The following SEMA3E variants were observed in gnomAD, a reference collection of about 807,000 sequenced individuals.
The protein encoded by SEMA3E is semaphorin 3E.
A neutral mutation model predicts 93.6 loss-of-function variants in SEMA3E; 49 were observed. That is an observed-to-expected ratio of 0.52 (90% CI 0.42 to 0.66). The LOEUF (loss-of-function observed/expected upper bound fraction) is 0.66. Ranked by LOEUF, SEMA3E falls within the 30% of genes least tolerant of loss-of-function variation. The pLI is 0.00. For synonymous variants in SEMA3E, 363 were observed against 330.7 expected, an observed-to-expected ratio of 1.10 and a Z score of -1.06; for missense variants, 906 against 964.8, an observed-to-expected ratio of 0.94 and a Z score of 0.81.
rs1353482421 is a variant in SEMA3E at position 83,365,890 on chromosome 7, TA to T, written c.*1695del. On this transcript the variant is annotated 3_prime_UTR_variant, in exon 17 of 17. Transcript: ENST00000643230. ...GCAGGCTTTTACTGAATATAGTTTT[TA>T]AAAATACATTTCACTACATAGTCTT... 2 of 152,154 alleles carry T rather than the reference TA, an allele frequency of 1.3e-5. No individual in the cohort carries two copies. Among genetic ancestry groups the T allele is most frequent in the African/African-American group, 4.8e-5 (2 of 41,466 alleles). The allele number at this position is 152,154 out of a possible 1,614,324, so 9.4% of individuals were successfully genotyped here. A position where few individuals can be genotyped will look rare whatever the true frequency, so the allele number is the denominator to read the frequency against.
chr7:83,458,841 A>T (rs1055882146), intron 4 of SEMA3E, among the ~76,000 whole-genome samples: 2 of 147,726 alleles, frequency 1.4e-5, no homozygotes, highest in East Asian at 2.0e-4. Context: ...AAATATATAT[A>T]TTTTTCTTTT....
chr7:83,508,670 A>G (rs1448704145), intron 1 of SEMA3E, among the ~76,000 whole-genome samples: 1 of 152,204 alleles, frequency 6.6e-6, no homozygotes, highest in Non-Finnish European at 1.5e-5. Flanking sequence ...ATTCAATGAC[A>G]TAGCATAGTA....
chr7:83,520,949 G>A (rs2115685807), intron 1 of SEMA3E, among the ~76,000 whole-genome samples: 1 of 152,300 alleles, frequency 6.6e-6, no homozygotes, highest in African/African-American at 2.4e-5. Flanking sequence ...CACGTATGGG[G>A]CATTAGGTTG....
intron 1 of SEMA3E, among the ~76,000 whole-genome samples, chr7:83,561,910 T>C (rs1418327521): frequency 6.6e-6 from 1 of 151,524 alleles, no homozygotes. Context: ...TTTCAAAGAG[T>C]TTTTGGCCAC....
chr7:83,464,276 C>G (rs552132254), intron 4 of SEMA3E, among the ~76,000 whole-genome samples: 1 of 151,704 alleles, frequency 6.6e-6, no homozygotes, highest in African/African-American at 2.4e-5. Flanking sequence ...GGCCTGTCCT[C>G]GGAATGCTAC....
chr7:83,612,895 G>C (rs1277283378), intron 1 of SEMA3E, among the ~76,000 whole-genome samples: 4 of 151,306 alleles, frequency 2.6e-5, no homozygotes, highest in Non-Finnish European at 5.9e-5. Context: ...CATTAGAAAA[G>C]AGTTTGATAT....
At position 83,464,706 on chromosome 7, in the gene SEMA3E, A is replaced by G. The variant is rs1044655824; in HGVS notation, c.456+1776T>C. Among the ~76,000 whole-genome samples, 12 of 126,932 alleles carry G rather than the reference A, an allele frequency of 9.5e-5. No homozygotes were observed. In the East Asian group the frequency reaches 3.3e-3, roughly 35 times the overall value. The allele number at this position is 126,932 out of a possible 152,430, so 83.3% of individuals were successfully genotyped here. A position where few individuals can be genotyped will look rare whatever the true frequency, so the allele number is the denominator to read the frequency against. ...AACCGTATCCAGGCCATCACCAATCATTCTATACGACAAATGTTTCTTCTA... is the reference window on the plus strand; with the variant it reads ...AACCGTATCCAGGCCATCACCAATCGTTCTATACGACAAATGTTTCTTCTA... On this transcript the variant is annotated intron_variant, in intron 4 of 16. Coordinates refer to ENST00000643230, the MANE Select transcript of SEMA3E (RefSeq NM_012431.3).
At chr7:83,601,225 G>A (rs1369439886) in intron 1 of SEMA3E, among the ~76,000 whole-genome samples, 3 of 152,280 alleles carry the variant, frequency 2.0e-5, no homozygotes, top group Middle Eastern at 3.4e-3. Context: ...AGAACCATCA[G>A]ATAAATTTAT....
chr7:83,574,059 C>A (rs1401826616), intron 1 of SEMA3E, among the ~76,000 whole-genome samples: 1 of 152,030 alleles, frequency 6.6e-6, no homozygotes, highest in South Asian at 2.1e-4. Context: ...AATATTAACA[C>A]TGCAATTTGA....
At chr7:83,576,393 A>G (rs905705486) in intron 1 of SEMA3E, among the ~76,000 whole-genome samples, 1 of 152,170 alleles carries the variant, frequency 6.6e-6, no homozygotes, top group East Asian at 1.9e-4. Context: ...GGGCAGCAAT[A>G]AGCCAAGCGA....
intron 1 of SEMA3E, among the ~76,000 whole-genome samples, chr7:83,605,432 CTT>C (rs984270674): frequency 2.7e-5 from 4 of 147,916 alleles, no homozygotes; most frequent in Non-Finnish European, 1.5e-5. Flanking sequence ...AATGTCCTCT[CTT>C]TTTTTTTTTT....
intron 14 of SEMA3E, 110 bp downstream of exon 14, chr7:83,392,445 C>T (rs1788037051): frequency 1.6e-6 from 2 of 1,220,104 alleles, no homozygotes; most frequent in Non-Finnish European, 2.3e-6. Flanking sequence ...TCTCTGTACA[C>T]AATAATTAAT....
At chr7:83,524,146 T>C (rs1247821338) in intron 1 of SEMA3E, among the ~76,000 whole-genome samples, 1 of 152,112 alleles carries the variant, frequency 6.6e-6, no homozygotes, top group East Asian at 1.9e-4. Flanking sequence ...TATACTTAGA[T>C]AAGCTTGCCT....
At chr7:83,392,293 C>T (rs1051558218) in intron 14 of SEMA3E, among the ~76,000 whole-genome samples, 2 of 152,016 alleles carry the variant, frequency 1.3e-5, no homozygotes, top group Non-Finnish European at 2.9e-5. Context: ...CTTTGAATCT[C>T]TCATGTGTGG....
At chr7:83,455,595 G>A (rs1789462656) in intron 4 of SEMA3E, among the ~76,000 whole-genome samples, 1 of 152,220 alleles carries the variant, frequency 6.6e-6, no homozygotes, top group African/African-American at 2.4e-5. Context: ...TTCCTCTGGT[G>A]TAGGCACACC....
chr7:83,615,915 C>T (rs1584366078), intron 1 of SEMA3E, among the ~76,000 whole-genome samples: 1 of 151,502 alleles, frequency 6.6e-6, no homozygotes, highest in East Asian at 1.9e-4. Flanking sequence ...TTATTTACTA[C>T]ACAGAATTTT....
intron 1 of SEMA3E, among the ~76,000 whole-genome samples, chr7:83,528,223 T>C (rs1028897015): frequency 2.3e-4 from 35 of 152,138 alleles, no homozygotes; most frequent in African/African-American, 8.4e-4. Flanking sequence ...AAATGAGCTA[T>C]GAAGCATTTC....
At chr7:83,591,574 T>G (rs1184730237) in intron 1 of SEMA3E, among the ~76,000 whole-genome samples, 1 of 151,954 alleles carries the variant, frequency 6.6e-6, no homozygotes, top group African/African-American at 2.4e-5. Flanking sequence ...ACATATAAAT[T>G]AAGAAAATAG....
chr7:83,569,515 A>G (rs1462418143), intron 1 of SEMA3E, among the ~76,000 whole-genome samples: 1 of 152,128 alleles, frequency 6.6e-6, no homozygotes, highest in African/African-American at 2.4e-5. Flanking sequence ...CAATACCCAC[A>G]AGCTCAAAGT....
Sources: gnomAD v4.1 joint callset for allele counts (sites outside exome capture counted in the v4.1 genomes callset) on GRCh38, gnomAD v4.1.1 for gene constraint, MANE v1.5 for transcripts, NCBI Gene and HGNC (gene_info 2026-07-23, HGNC 2026-07-21) for gene names.